The following PPFIBP1 variants were observed in gnomAD, a reference collection of about 807,000 sequenced individuals.
PPFIBP1 encodes liprin-beta-1.
PPFIBP1 carries 112 observed loss-of-function variants against 137.8 expected under a neutral mutation model. The ratio of observed to expected loss-of-function variants is 0.81; its 90% CI spans 0.70 to 0.95. The LOEUF is 0.95. Among genes scored for constraint, PPFIBP1 ranks in the 40% least tolerant of loss-of-function variants. The probability of loss-of-function intolerance (pLI) is 0.00; values close to 1 mark genes in which losing one functional copy is unlikely to be tolerated. For synonymous variants in PPFIBP1, 378 were observed against 417.3 expected (o/e 0.91, Z 1.15); for missense variants, 1,083 against 1,196.6 (o/e 0.91, Z 1.40).
chr12:27,620,169 A>G (rs563554097), intron 2 of PPFIBP1, among the ~76,000 whole-genome samples: 3 of 152,160 alleles, frequency 2.0e-5, no homozygotes, highest in Non-Finnish European at 2.9e-5. Flanking sequence ...CTTAGGAAGG[A>G]TACTTCTTAA....
chr12:27,677,384 G>A, intron 19 of PPFIBP1: 1 of 489,358 alleles, frequency 2.0e-6, no homozygotes, highest in South Asian at 3.5e-5. Flanking sequence ...GGAATGTCCT[G>A]GCATTGTACA....
At chr12:27,654,651 C>G in intron 7 of PPFIBP1, 71 bp from the exon 8 acceptor site, 17 of 1,506,810 alleles carry the variant, frequency 1.1e-5, no homozygotes, top group Non-Finnish European at 1.5e-5. Flanking sequence ...GATTTCCAAG[C>G]TGCTATTTTA....
chr12:27,528,197 C>A (rs1943998060), intron 1 of PPFIBP1, among the ~76,000 whole-genome samples: 1 of 152,068 alleles, frequency 6.6e-6, no homozygotes, highest in African/African-American at 2.4e-5. Context: ...GATCTGTCTG[C>A]CTCAGCCTCC....
chr12:27,660,963 A>G lies in PPFIBP1; in HGVS notation c.906+18A>G, dbSNP rs1421623550. ...AAGAAAAGGTATCCAGATGAAATTT[A>G]AATATACGTGTGGATGTTTTTTAAC... On this transcript the variant is annotated intron_variant, in intron 11 of 29. Coordinates refer to ENST00000228425, the MANE Select transcript of PPFIBP1 (RefSeq NM_003622.4). 1 of 1,612,006 alleles carries G rather than the reference A, an allele frequency of 6.2e-7. No individual in the cohort carries two copies.
At chr12:27,548,656 T>A (rs1946462065) in intron 1 of PPFIBP1, 1 of 152,200 alleles carries the variant, frequency 6.6e-6, no homozygotes, top group African/African-American at 2.4e-5. Context: ...TTTTCTGCCT[T>A]CTAGTAAGTG....
At chr12:27,679,417 G>A (rs532437940) in intron 19 of PPFIBP1, 72 bp from the exon 20 acceptor site, 1 of 1,434,150 alleles carries the variant, frequency 7.0e-7, no homozygotes, top group South Asian at 1.3e-5. Context: ...AACAGTTCTA[G>A]AACCAAGAAG....
chr12:27,614,680 C>T (rs1256721366), intron 2 of PPFIBP1, among the ~76,000 whole-genome samples: 1 of 152,106 alleles, frequency 6.6e-6, no homozygotes, highest in African/African-American at 2.4e-5. Context: ...TATTTTCAAA[C>T]AGGCAGAAAA....
At chr12:27,603,723 A>G (rs893656296) in intron 2 of PPFIBP1, among the ~76,000 whole-genome samples, 2 of 152,174 alleles carry the variant, frequency 1.3e-5, no homozygotes, top group African/African-American at 4.8e-5. Context: ...ACTGGAGACC[A>G]TTTCTAGTGC....
At chr12:27,660,527 C>T (rs2059476498) in intron 10 of PPFIBP1, among the ~76,000 whole-genome samples, 1 of 152,166 alleles carries the variant, frequency 6.6e-6, no homozygotes, top group South Asian at 2.1e-4. Flanking sequence ...ATGGCTTTCA[C>T]GCACTGCTTT....
intron 10 of PPFIBP1, 69 bp downstream of exon 10, chr12:27,658,917 T>C (rs764448100): frequency 2.7e-5 from 40 of 1,464,762 alleles, no homozygotes; most frequent in Non-Finnish European, 3.7e-5. Flanking sequence ...GTTCTTTGCA[T>C]GTGTTTTAAA....
intron 18 of PPFIBP1, 60 bp from the exon 19 acceptor site, chr12:27,677,004 A>G (rs749445896): frequency 6.2e-7 from 1 of 1,612,416 alleles, no homozygotes; most frequent in South Asian, 1.1e-5. Context: ...TCATTTTGTC[A>G]TCTCTGTGTT....
chr12:27,624,936 A>G (rs1040075814), intron 2 of PPFIBP1, among the ~76,000 whole-genome samples: 4 of 152,224 alleles, frequency 2.6e-5, no homozygotes, highest in African/African-American at 9.6e-5. Context: ...GAAAAAACTG[A>G]AACGTTTTAT....
chr12:27,658,439 G>A (rs1241031133), intron 9 of PPFIBP1, among the ~76,000 whole-genome samples: 3 of 152,198 alleles, frequency 2.0e-5, no homozygotes, highest in African/African-American at 7.2e-5. Flanking sequence ...CAGTGTTCTA[G>A]TCACATTCAG....
At position 27,680,069 on chromosome 12, in the gene PPFIBP1, G is replaced by A. The variant is rs752623047; in HGVS notation, c.1895+8G>A. On this transcript the variant is annotated splice_region_variant and intron_variant, in intron 21 of 29. Coordinates refer to ENST00000228425, the MANE Select transcript of PPFIBP1 (RefSeq NM_003622.4). ...CTTGGGACAGTCTAACAGGTAAGAA[G>A]AGCCAACTGATAGACTTTTGCATCT... 6.2e-7 allele frequency: 1 copy of A among 1,613,580 alleles called. No individual in the cohort carries two copies. Among genetic ancestry groups the A allele is most frequent in the African/African-American group, 1.3e-5 (1 of 75,028 alleles).
intron 8 of PPFIBP1, chr12:27,655,147 T>A: frequency 6.5e-7 from 1 of 1,532,978 alleles, no homozygotes; most frequent in Non-Finnish European, 8.7e-7. Flanking sequence ...TACCAGTCTT[T>A]AATGGCCAAA....
chr12:27,672,327 C>T (rs2060251124), intron 14 of PPFIBP1, 100 bp from the exon 15 acceptor site: 2 of 872,496 alleles, frequency 2.3e-6, no homozygotes, highest in Non-Finnish European at 3.6e-6. Context: ...AAATAGCTTC[C>T]TTTGCATAAT....
chr12:27,573,741 G>T lies in PPFIBP1; in HGVS notation c.-123-4411G>T, dbSNP rs377390826. On this transcript the variant is annotated intron_variant, in intron 1 of 29. Transcript: ENST00000228425. ...CCCATGCCTGTAATCCCAGCATTTTGGGAGGCTGAGATGGAAGTACTACTT... is the reference window on the plus strand; with the variant it reads ...CCCATGCCTGTAATCCCAGCATTTTTGGAGGCTGAGATGGAAGTACTACTT... 1.4e-3 allele frequency among the ~76,000 whole-genome samples: 211 copies of T among 152,330 alleles called. 4 individuals are homozygous for T. In the South Asian group the frequency reaches 0.038, roughly 27 times the overall value.
chr12:27,628,502 C>T (rs1480269824), intron 2 of PPFIBP1, among the ~76,000 whole-genome samples: 1 of 152,092 alleles, frequency 6.6e-6, no homozygotes, highest in Non-Finnish European at 1.5e-5. Flanking sequence ...TTGTAATTTT[C>T]TAAGGGGTTT....
intron 27 of PPFIBP1, among the ~76,000 whole-genome samples, chr12:27,689,646 C>CT (rs1290493789): frequency 2.0e-5 from 3 of 152,240 alleles, no homozygotes; most frequent in East Asian, 1.9e-4. Context: ...AAGTCTCTGC[C>CT]TTTTTTATCT....
Sources: gnomAD v4.1 joint callset for allele counts (sites outside exome capture counted in the v4.1 genomes callset) on GRCh38, gnomAD v4.1.1 for gene constraint, MANE v1.5 for transcripts, NCBI Gene and HGNC (gene_info 2026-07-23, HGNC 2026-07-21) for gene names.